The following UBAP2L variants were observed in gnomAD, a reference collection of about 807,000 sequenced individuals.
UBAP2L encodes ubiquitin-associated protein 2-like.
UBAP2L carries 12 observed loss-of-function variants against 130.6 expected under a neutral mutation model. The observed-to-expected ratio is 0.09, with a 90% CI of 0.06 to 0.15. UBAP2L has a LOEUF of 0.15. Ranked by LOEUF, UBAP2L falls within the 10% of genes least tolerant of loss-of-function variation. The pLI is 1.00. For missense variants in UBAP2L, 965 were observed against 1,332.5 expected, an observed-to-expected ratio of 0.72 and a Z score of 4.29; for synonymous variants, 503 against 524.7, an observed-to-expected ratio of 0.96 and a Z score of 0.57.
At chr1:154,235,351 C>A in intron 6 of UBAP2L, 60 bp downstream of exon 6, 2 of 690,878 alleles carry the variant, frequency 2.9e-6, no homozygotes, top group South Asian at 1.6e-5. Context: ...CATTAATGGT[C>A]TGCTTTATTT....
At chr1:154,258,592 G>A (rs1680462966) in intron 20 of UBAP2L, 1 of 156,008 alleles carries the variant, frequency 6.4e-6, no homozygotes, top group African/African-American at 2.4e-5. Flanking sequence ...TTAAAACCCT[G>A]ACATTGGAGA....
chr1:154,257,675 A>G, intron 20 of UBAP2L: 1 of 504,152 alleles, frequency 2.0e-6, no homozygotes, highest in South Asian at 2.9e-5. Flanking sequence ...AACCTGTGTT[A>G]AGGGTCAACT....
rs866487589 is a variant in UBAP2L, at chr1:154,246,240, T to C, written c.879T>C (p.Ser293=). The part of the protein sequence containing the change: ...DLAVLLGKTP[S]TMENDSSNLD... ...CTGTTCTGCTGGGGAAGACACCATC[T>C]ACAATGGAGAATGATTCATCTAATC... is the stretch of plus-strand genomic sequence containing the variant. The change falls in exon 11 of 27, where the codon TCT becomes TCC. Residue 293 remains serine (S), a synonymous_variant. Transcript: ENST00000428931. The C allele has an allele frequency of 1.9e-6, 3 of 1,613,564 alleles. No individual in the cohort carries two copies. The highest frequency in any genetic ancestry group is 2.2e-5 in the South Asian group (2 of 91,044).
At chr1:154,269,997 C>T (rs997289675) in intron 26 of UBAP2L, among the ~76,000 whole-genome samples, 2 of 152,070 alleles carry the variant, frequency 1.3e-5, no homozygotes, top group Non-Finnish European at 2.9e-5. Flanking sequence ...TTCATCTTTT[C>T]CCTATTTAAA....
intron 21 of UBAP2L, 78 bp downstream of exon 21, chr1:154,259,108 A>AT: frequency 7.6e-7 from 1 of 1,312,946 alleles, no homozygotes. Context: ...CGTCACAGAC[A>AT]TAGCTCTTTC....
chr1:154,258,724 A>C (rs1013132252), intron 20 of UBAP2L: 21 of 385,522 alleles, frequency 5.4e-5, no homozygotes, highest in South Asian at 2.2e-4. Flanking sequence ...TGTCTACTCT[A>C]TTGGTATCAA....
chr1:154,245,311 G>T (rs1675052224), intron 10 of UBAP2L, among the ~76,000 whole-genome samples: 1 of 152,164 alleles, frequency 6.6e-6, no homozygotes, highest in African/African-American at 2.4e-5. Context: ...AGGTATGGTT[G>T]AAAGAAGTGT....
At chr1:154,247,168 A>G (rs565107930) in intron 11 of UBAP2L, among the ~76,000 whole-genome samples, 103 of 152,280 alleles carry the variant, frequency 6.8e-4, no homozygotes, top group African/African-American at 2.5e-3. Context: ...ATGTGTGTGC[A>G]TATAATTTTA....
intron 3 of UBAP2L, 43 bp downstream of exon 3, chr1:154,227,402 C>A: frequency 6.5e-7 from 1 of 1,540,518 alleles, no homozygotes; most frequent in South Asian, 1.1e-5. Flanking sequence ...AGAAAAGATA[C>A]CAGTATTAAG....
At position 154,243,193 on chromosome 1, in the gene UBAP2L, G is replaced by A. The variant is rs899127170; in HGVS notation, c.757-24G>A. 1.9e-6 allele frequency: 3 copies of A among 1,603,542 alleles called. No homozygotes were observed. In the African/African-American group the frequency reaches 4.0e-5, roughly 21 times the overall value. On this transcript the variant is annotated intron_variant, in intron 9 of 26. Transcript: ENST00000428931. ...GACTGTAGCATCCCTGACACCAAGAGTGACTAATCCCTCTGTTTTCCAGCT... is the reference window on the plus strand; with the variant it reads ...GACTGTAGCATCCCTGACACCAAGAATGACTAATCCCTCTGTTTTCCAGCT...
At chr1:154,261,170 A>T in intron 23 of UBAP2L, 61 bp downstream of exon 23, 1 of 1,530,772 alleles carries the variant, frequency 6.5e-7, no homozygotes, top group Non-Finnish European at 8.9e-7. Context: ...ACACTATCCT[A>T]GCTGCTTTTA....
intron 11 of UBAP2L, among the ~76,000 whole-genome samples, chr1:154,246,996 C>T (rs1442684052): frequency 6.6e-6 from 1 of 152,142 alleles, no homozygotes; most frequent in East Asian, 1.9e-4. Context: ...TTAAAACATC[C>T]AAGGTCATTA....
In UBAP2L at chr1:154,230,434, G is replaced by GT. The variant is rs560416213; in HGVS notation, c.279+1715dup. Among the ~76,000 whole-genome samples, 307 of 152,270 alleles carry GT rather than the reference G, an allele frequency of 2.0e-3. 2 individuals carry two copies. In the South Asian group the frequency reaches 0.028, roughly 14 times the overall value. On this transcript the variant is annotated intron_variant, in intron 4 of 26. Coordinates refer to ENST00000428931, the MANE Select transcript of UBAP2L (RefSeq NM_014847.4). ...AAAACAATTGAATTTAAATTGGTGG[G>GT]TTTTTTCTTCAAAAGTGTTATCCTG... is the stretch of plus-strand genomic sequence containing the variant.
In UBAP2L at chr1:154,244,414, C is replaced by T. The variant is rs528741420; in HGVS notation, c.842+1112C>T. On this transcript the variant is annotated intron_variant, in intron 10 of 26. Transcript: ENST00000428931. ...GAGACGAGACGGAGTCTTGTTCTGT[C>T]ACCCAGGCTGGAGTGCAGTGGCGTG... is the stretch of plus-strand genomic sequence containing the variant. 1.1e-4 allele frequency among the ~76,000 whole-genome samples: 16 copies of T among 152,280 alleles called. No homozygotes were observed. The South Asian group carries it at 3.3e-3, about 32-fold the overall frequency.
chr1:154,261,073 C>T lies in UBAP2L; in HGVS notation c.2760C>T (p.Leu920=). The stretch of plus-strand genomic sequence containing the variant: ...CATACTATACAGGGGTCCCGGGCCT[C>T]CCCAGCACCTTCCAGTATGGGCCTG... The part of the protein sequence containing the change: ...SLPYYTGVPG[L]PSTFQYGPAV... The change falls in exon 23 of 27, where the codon CTC becomes CTT. Residue 920 remains leucine (L), a synonymous_variant. Transcript: ENST00000428931. 6.2e-7 allele frequency: 1 copy of T among 1,614,218 alleles called. No individual in the cohort carries two copies. Among genetic ancestry groups the T allele is most frequent in the Non-Finnish European group, 8.5e-7 (1 of 1,180,036 alleles).
At chr1:154,249,089 A>G (rs1206593249) in intron 11 of UBAP2L, 150 bp from the exon 12 acceptor site, 4 of 715,220 alleles carry the variant, frequency 5.6e-6, no homozygotes, top group Non-Finnish European at 7.1e-6. Context: ...TCTAGGTCCT[A>G]TACTCTAGTG....
chr1:154,257,277 A>G lies in UBAP2L; in HGVS notation c.2353+19A>G, dbSNP rs368337743. 8.7e-6 allele frequency: 14 copies of G among 1,614,172 alleles called. No individual in the cohort carries two copies. Among genetic ancestry groups the G allele is most frequent in the Admixed American group, 3.3e-5 (2 of 60,028 alleles). On this transcript the variant is annotated intron_variant, in intron 19 of 26. Coordinates refer to ENST00000428931, the MANE Select transcript of UBAP2L (RefSeq NM_014847.4). The stretch of plus-strand genomic sequence containing the variant: ...ACTTCAGGTAGCCTTGCATAAGCAG[A>G]TGGCATTCCTCTGGGATGGAGGAGG...
chr1:154,243,066 G>A (rs1674105766), intron 9 of UBAP2L, 151 bp from the exon 10 acceptor site: 1 of 609,940 alleles, frequency 1.6e-6, no homozygotes, highest in Non-Finnish European at 2.9e-6. Context: ...TGAAGGGCTT[G>A]AAAGTCAATC....
At chr1:154,227,385 C>T (rs748658528) in intron 3 of UBAP2L, 26 bp downstream of exon 3, 4 of 1,586,874 alleles carry the variant, frequency 2.5e-6, no homozygotes, top group Non-Finnish European at 3.5e-6. Flanking sequence ...ATTTACTGTA[C>T]ACTATGAGAA....
Sources: gnomAD v4.1 joint callset for allele counts (sites outside exome capture counted in the v4.1 genomes callset) on GRCh38, gnomAD v4.1.1 for gene constraint, MANE v1.5 for transcripts, NCBI Gene and HGNC (gene_info 2026-07-23, HGNC 2026-07-21) for gene names.